EIPR1: variants seen among roughly 807,000 people sequenced by gnomAD.
EIPR1 encodes EARP and GARP complex-interacting protein 1.
A neutral mutation model predicts 48.1 loss-of-function variants in EIPR1; 25 were observed. That is an observed-to-expected ratio of 0.52 (90% confidence interval 0.38 to 0.73). The LOEUF is 0.73. Ranked by LOEUF, EIPR1 falls within the 30% of genes least tolerant of loss-of-function variation. EIPR1 has a pLI of 0.00. For missense variants in EIPR1, 415 were observed against 506.2 expected (o/e 0.82, Z 1.73); for synonymous variants, 204 against 201.9 (o/e 1.01, Z -0.09).
chr2:3,364,215 G>A (rs1241212033), intron 1 of EIPR1, among the ~76,000 whole-genome samples: 3 of 152,088 alleles, frequency 2.0e-5, no homozygotes, highest in African/African-American at 7.2e-5. Context: ...TGCACCCGTG[G>A]GTATACTGCA....
intron 4 of EIPR1, among the ~76,000 whole-genome samples, chr2:3,244,611 C>T (rs1666738698): frequency 6.6e-6 from 1 of 152,188 alleles, no homozygotes; most frequent in South Asian, 2.1e-4. Context: ...GAGGGAGCTC[C>T]TTCTTCCCTT....
At chr2:3,238,702 A>T (rs1666496020) in intron 4 of EIPR1, among the ~76,000 whole-genome samples, 1 of 152,240 alleles carries the variant, frequency 6.6e-6, no homozygotes, top group South Asian at 2.1e-4. Context: ...TTCGCCGTTC[A>T]TTTCTGAAAG....
intron 3 of EIPR1, among the ~76,000 whole-genome samples, chr2:3,288,005 G>A (rs903580471): frequency 2.0e-5 from 3 of 152,210 alleles, no homozygotes; most frequent in Non-Finnish European, 4.4e-5. Flanking sequence ...AGCTCCTCGT[G>A]GCCCCTCACA....
chr2:3,246,620 G>A (rs1666802420), intron 4 of EIPR1, among the ~76,000 whole-genome samples: 1 of 152,016 alleles, frequency 6.6e-6, no homozygotes, highest in African/African-American at 2.4e-5. Flanking sequence ...TAGCCACCAT[G>A]CAGGTGACGG....
chr2:3,303,440 C>G (rs1335877626), intron 3 of EIPR1, among the ~76,000 whole-genome samples: 1 of 152,236 alleles, frequency 6.6e-6, no homozygotes, highest in Non-Finnish European at 1.5e-5. Context: ...CGACCACCAC[C>G]TGGAAGTCAC....
chr2:3,198,525 C>A (rs556802644), intron 5 of EIPR1, among the ~76,000 whole-genome samples: 5 of 152,126 alleles, frequency 3.3e-5, no homozygotes, highest in African/African-American at 4.8e-5. Context: ...CCTTGCAGAG[C>A]CTTGTTATCG....
At chr2:3,309,163 A>G (rs10153672) in intron 3 of EIPR1, among the ~76,000 whole-genome samples, 3,125 of 152,318 alleles carry the variant, frequency 0.021, 109 homozygotes, top group African/African-American at 0.072. Flanking sequence ...TCTGATGGTC[A>G]ATGTACAGAG....
rs566601496 is a variant in EIPR1 at position 3,338,984 on chromosome 2, T to TA, written c.127-836dup. Among the ~76,000 whole-genome samples the TA allele has an allele frequency of 4.1e-3, 621 of 151,610 alleles. 4 individuals carry two copies. Among genetic ancestry groups the TA allele is most frequent in the Non-Finnish European group, 5.5e-3 (374 of 67,992 alleles). ...TTTACTATGGCATTGATTATTGAAA[T>TA]AAAAAAAATTAGAAGTCACCTAAAT... On this transcript the variant is annotated intron_variant, in intron 2 of 8. Coordinates refer to ENST00000382125, the MANE Select transcript of EIPR1 (RefSeq NM_003310.5).
chr2:3,238,184 G>A (rs1309092617), intron 4 of EIPR1, among the ~76,000 whole-genome samples: 1 of 152,184 alleles, frequency 6.6e-6, no homozygotes, highest in East Asian at 1.9e-4. Flanking sequence ...AAAACTCAAT[G>A]TTTCATCTGT....
chr2:3,269,373 A>G (rs1163263116), intron 3 of EIPR1, among the ~76,000 whole-genome samples: 1 of 138,718 alleles, frequency 7.2e-6, no homozygotes, highest in Non-Finnish European at 1.5e-5. Context: ...GCACTCAATC[A>G]TCGCACTCAG....
In EIPR1 at chr2:3,269,649, T is replaced by C. The variant is rs1200804798; in HGVS notation, c.260-12194A>G. On this transcript the variant is annotated intron_variant, in intron 3 of 8. Coordinates refer to ENST00000382125, the MANE Select transcript of EIPR1 (RefSeq NM_003310.5). ...CGCACTCAATCATCACACTCAATCATCACACTCAATCATCACACTCAATCA... is the reference window on the plus strand; with the variant it reads ...CGCACTCAATCATCACACTCAATCACCACACTCAATCATCACACTCAATCA... Among the ~76,000 whole-genome samples, 3 of 148,566 alleles carry C rather than the reference T, an allele frequency of 2.0e-5. No homozygotes were observed. In the East Asian group the frequency reaches 6.0e-4, roughly 30 times the overall value.
intron 3 of EIPR1, among the ~76,000 whole-genome samples, chr2:3,326,289 G>A (rs1349256567): frequency 6.6e-6 from 1 of 152,160 alleles, no homozygotes; most frequent in African/African-American, 2.4e-5. Context: ...CCATTTTACA[G>A]ATGAACGCTC....
chr2:3,193,922 C>A (rs1572273906), intron 7 of EIPR1, 77 bp downstream of exon 7: 2 of 1,535,438 alleles, frequency 1.3e-6, no homozygotes, highest in East Asian at 4.6e-5. Flanking sequence ...TGGTTTGTGT[C>A]TTTCCCAATG....
intron 5 of EIPR1, among the ~76,000 whole-genome samples, chr2:3,207,124 C>T (rs561555259): frequency 3.9e-5 from 6 of 152,232 alleles, no homozygotes; most frequent in East Asian, 3.9e-4. Context: ...CTGCTCCATC[C>T]GCATCCATGT....
intron 1 of EIPR1, among the ~76,000 whole-genome samples, chr2:3,369,991 G>A (rs572454553): frequency 4.6e-5 from 7 of 150,776 alleles, no homozygotes; most frequent in East Asian, 2.0e-4. Context: ...CACCCCCCCC[G>A]TAGGGGCAGA....
chr2:3,371,029 C>G (rs1315325244), intron 1 of EIPR1, among the ~76,000 whole-genome samples: 2 of 152,226 alleles, frequency 1.3e-5, no homozygotes, highest in African/African-American at 2.4e-5. Context: ...ATCAGACTAA[C>G]AGCGGATCTC....
chr2:3,363,187 C>T (rs1189685180), intron 1 of EIPR1, among the ~76,000 whole-genome samples: 6 of 152,062 alleles, frequency 3.9e-5, no homozygotes, highest in Non-Finnish European at 7.4e-5. Flanking sequence ...AAAAGATTCA[C>T]CATGAAAAGA....
Position 3,350,894 on chromosome 2 carries a change from A to G in EIPR1, c.126+3656T>C, listed in dbSNP as rs544674671. ...CTCTTCAATTTAGAAGAAAGGAGAC[A>G]GAAAAACTGGAAAGCTTCTTTAAAA... On this transcript the variant is annotated intron_variant, in intron 2 of 8. Transcript: ENST00000382125. 1.2e-4 allele frequency among the ~76,000 whole-genome samples: 18 copies of G among 151,866 alleles called. No homozygotes were observed. The South Asian group carries it at 3.8e-3, about 32-fold the overall frequency.
At chr2:3,264,615 C>T (rs1391589016) in intron 3 of EIPR1, among the ~76,000 whole-genome samples, 3 of 152,316 alleles carry the variant, frequency 2.0e-5, no homozygotes, top group Admixed American at 6.5e-5. Context: ...TAGCCACGTG[C>T]GAGTTCACAT....
Sources: allele counts gnomAD v4.1 joint callset (sites outside exome capture counted in the v4.1 genomes callset), GRCh38; gene constraint gnomAD v4.1.1; transcripts MANE v1.5; gene names NCBI Gene and HGNC (gene_info 2026-07-23, HGNC 2026-07-21).